The following PRKG1 variants were observed in gnomAD, a reference collection of about 807,000 sequenced individuals.
The protein encoded by PRKG1 is protein kinase cGMP-dependent 1.
In PRKG1, 35 loss-of-function variants were observed where a neutral mutation model predicts 88.1. That is an observed-to-expected ratio of 0.40 (90% CI 0.30 to 0.53). The LOEUF is 0.53. Ranked by LOEUF, PRKG1 falls within the 20% of genes least tolerant of loss-of-function variation. PRKG1 has a pLI of 0.59. For missense variants in PRKG1, 540 were observed against 839.8 expected (o/e 0.64, Z 4.41); for synonymous variants, 303 against 292.5 (o/e 1.04, Z -0.37).
At chr10:51,836,925 G>T (rs1343834531) in intron 4 of PRKG1, among the ~76,000 whole-genome samples, 1 of 152,160 alleles carries the variant, frequency 6.6e-6, no homozygotes, top group Non-Finnish European at 1.5e-5. Flanking sequence ...TTGTGAGATA[G>T]AGATAGTGTC....
intron 3 of PRKG1, among the ~76,000 whole-genome samples, chr10:51,729,330 T>G (rs746771986): frequency 6.6e-6 from 1 of 152,266 alleles, no homozygotes; most frequent in Non-Finnish European, 1.5e-5. Flanking sequence ...TTTTCTAGGG[T>G]TTATTATCTC....
chr10:51,326,944 T>C (rs1053018086), intron 2 of PRKG1, among the ~76,000 whole-genome samples: 2 of 152,338 alleles, frequency 1.3e-5, no homozygotes, highest in South Asian at 4.1e-4. Context: ...GTCTCTTATT[T>C]ATTGTGTTGA....
At chr10:51,504,572 T>C (rs575105211) in intron 3 of PRKG1, among the ~76,000 whole-genome samples, 25 of 152,268 alleles carry the variant, frequency 1.6e-4, no homozygotes, top group African/African-American at 6.0e-4. Context: ...AGCATGGCCA[T>C]TGTCATGATA....
intron 1 of PRKG1, among the ~76,000 whole-genome samples, chr10:51,129,337 C>T (rs186489862): frequency 1.7e-4 from 26 of 152,034 alleles, no homozygotes; most frequent in South Asian, 2.1e-4. Flanking sequence ...CCCAGCTACT[C>T]GGGAGGCTGA....
intron 2 of PRKG1, among the ~76,000 whole-genome samples, chr10:51,429,895 T>A (rs763980427): frequency 1.9e-4 from 28 of 151,320 alleles, no homozygotes; most frequent in Non-Finnish European, 3.7e-4. Flanking sequence ...AGCATACCAA[T>A]GTACACACAA....
chr10:51,655,963 T>C (rs1006221789), intron 3 of PRKG1, among the ~76,000 whole-genome samples: 1 of 152,184 alleles, frequency 6.6e-6, no homozygotes, highest in African/African-American at 2.4e-5. Flanking sequence ...ATTTGGAGTC[T>C]TGGAGACATG....
intron 5 of PRKG1, among the ~76,000 whole-genome samples, chr10:51,944,612 A>G (rs1295130938): frequency 3.3e-5 from 5 of 151,804 alleles, no homozygotes; most frequent in Non-Finnish European, 7.4e-5. Context: ...ATTTCCTTCT[A>G]CACACTGCTT....
intron 3 of PRKG1, among the ~76,000 whole-genome samples, chr10:51,633,977 C>A (rs1839592115): frequency 6.6e-6 from 1 of 152,110 alleles, no homozygotes; most frequent in Non-Finnish European, 1.5e-5. Context: ...TTTGAGGAAG[C>A]AGAACCCTCA....
chr10:52,170,747 G>A (rs185093837), intron 9 of PRKG1, among the ~76,000 whole-genome samples: 6 of 152,258 alleles, frequency 3.9e-5, no homozygotes, highest in Non-Finnish European at 8.8e-5. Context: ...GATATTTTCA[G>A]GATTACTTTT....
intron 3 of PRKG1, among the ~76,000 whole-genome samples, chr10:51,533,296 T>C (rs1842062136): frequency 6.6e-6 from 1 of 152,230 alleles, no homozygotes; most frequent in African/African-American, 2.4e-5. Flanking sequence ...TCACAATTCT[T>C]TTACATCTGT....
At chr10:51,541,465 G>A (rs1589059985) in intron 3 of PRKG1, among the ~76,000 whole-genome samples, 1 of 152,256 alleles carries the variant, frequency 6.6e-6, no homozygotes, top group African/African-American at 2.4e-5. Context: ...TTCATGGATC[G>A]ATATTCAATT....
intron 3 of PRKG1, among the ~76,000 whole-genome samples, chr10:51,745,380 CA>C (rs946639768): frequency 6.6e-6 from 1 of 152,040 alleles, no homozygotes; most frequent in African/African-American, 2.4e-5. Flanking sequence ...CAGGAAGGCG[CA>C]AAGATTTCTT....
At chr10:51,149,988 C>T (rs1904698) in intron 1 of PRKG1, among the ~76,000 whole-genome samples, 83,694 of 151,810 alleles carry the variant, frequency 0.55, 24,160 homozygotes, top group African/African-American at 0.74. Context: ...TGAGTCAAGT[C>T]GCTTTTATGG....
At chr10:51,281,295 G>A (rs893135323) in intron 2 of PRKG1, among the ~76,000 whole-genome samples, 1 of 152,106 alleles carries the variant, frequency 6.6e-6, no homozygotes, top group Non-Finnish European at 1.5e-5. Context: ...TCCCAGTTAG[G>A]CTACTAGGGG....
chr10:52,062,723 T>G, intron 7 of PRKG1, 92 bp downstream of exon 7: 1 of 872,910 alleles, frequency 1.1e-6, no homozygotes, highest in Non-Finnish European at 1.9e-6. Context: ...AGGCTTTTTA[T>G]TTAGTGCTTA....
chr10:51,991,413 G>C (rs570267029), intron 5 of PRKG1, among the ~76,000 whole-genome samples: 1 of 151,912 alleles, frequency 6.6e-6, no homozygotes, highest in Non-Finnish European at 1.5e-5. Flanking sequence ...TAAGTTCTAG[G>C]GTACATGTGC....
intron 9 of PRKG1, among the ~76,000 whole-genome samples, chr10:52,218,291 C>T (rs1840163003): frequency 6.7e-6 from 1 of 150,286 alleles, no homozygotes; most frequent in Non-Finnish European, 1.5e-5. Context: ...TGAACTAAGG[C>T]GTCTTAACAG....
chr10:51,721,224 A>G (rs10999078), intron 3 of PRKG1, among the ~76,000 whole-genome samples: 65,705 of 148,862 alleles, frequency 0.44, 15,385 homozygotes, highest in Middle Eastern at 0.57. Flanking sequence ...AAAAAAAAAA[A>G]AAAAAAAAGA....
intron 3 of PRKG1, among the ~76,000 whole-genome samples, chr10:51,510,742 C>T: frequency 7.1e-6 from 1 of 140,998 alleles, no homozygotes; most frequent in East Asian, 2.9e-4. Context: ...CTGCATTGTA[C>T]TATTTTTTTT....
Sources: gnomAD v4.1 joint callset for allele counts (sites outside exome capture counted in the v4.1 genomes callset) on GRCh38, gnomAD v4.1.1 for gene constraint, MANE v1.5 for transcripts, NCBI Gene and HGNC (gene_info 2026-07-23, HGNC 2026-07-21) for gene names.